CCAR1: variants seen among roughly 807,000 people sequenced by gnomAD.
The protein encoded by CCAR1 is cell division cycle and apoptosis regulator protein 1.
A neutral mutation model predicts 163.8 loss-of-function variants in CCAR1; 78 were observed. That is an observed-to-expected ratio of 0.48 (90% CI 0.40 to 0.57). The LOEUF (loss-of-function observed/expected upper bound fraction) is 0.57. Among genes scored for constraint, CCAR1 ranks in the 20% least tolerant of loss-of-function variants. CCAR1 has a pLI of 0.00. For synonymous variants in CCAR1, 443 were observed against 460.7 expected (o/e 0.96, Z 0.49); for missense variants, 1,019 against 1,365.2 (o/e 0.75, Z 4.00).
rs2056858123 is a variant in CCAR1 at position 68,792,224 on chromosome 10, C to T, written c.*958C>T. ...TTACTGCTTTCAATTAATTTTTCTA[C>T]TTTCCCAGAATAGCATCTATATTCC... On this transcript the variant is annotated 3_prime_UTR_variant, in exon 25 of 25. Coordinates refer to ENST00000265872, the MANE Select transcript of CCAR1 (RefSeq NM_018237.4). 6.6e-6 allele frequency: 1 copy of T among 151,892 alleles called. No individual in the cohort carries two copies. The highest frequency in any genetic ancestry group is 2.1e-4 in the South Asian group (1 of 4,822). 9.4% of individuals were successfully genotyped at this position (151,892 alleles called of 1,614,324 possible). A position where few individuals can be genotyped will look rare whatever the true frequency, so the allele number is the denominator to read the frequency against.
intron 2 of CCAR1, among the ~76,000 whole-genome samples, chr10:68,735,107 G>A (rs1221151507): frequency 6.6e-6 from 1 of 152,060 alleles, no homozygotes; most frequent in Non-Finnish European, 1.5e-5. Flanking sequence ...CAGTACTTTG[G>A]GATCCCGAAG....
chr10:68,786,763 G>T, intron 21 of CCAR1, 71 bp downstream of exon 21: 1 of 1,342,342 alleles, frequency 7.4e-7, no homozygotes, highest in Non-Finnish European at 1.0e-6. Flanking sequence ...AAAGTTAATA[G>T]AACCTCTGTT....
intron 10 of CCAR1, among the ~76,000 whole-genome samples, chr10:68,753,376 A>G (rs2056359097): frequency 6.6e-6 from 1 of 152,184 alleles, no homozygotes; most frequent in Admixed American, 6.5e-5. Flanking sequence ...TTTAATTTTG[A>G]ATGTAAGTAT....
intron 5 of CCAR1, 128 bp downstream of exon 5, chr10:68,740,789 A>T: frequency 3.0e-6 from 2 of 670,050 alleles, no homozygotes; most frequent in Non-Finnish European, 5.0e-6. Context: ...TAGGAATATA[A>T]TGCTAAATAA....
intron 19 of CCAR1, 88 bp downstream of exon 19, chr10:68,773,187 A>G: frequency 1.4e-6 from 1 of 693,408 alleles, no homozygotes; most frequent in Non-Finnish European, 2.4e-6. Context: ...CTATACTTTT[A>G]ACATTTTTTT....
chr10:68,775,635 G>C (rs1215920784), intron 19 of CCAR1, among the ~76,000 whole-genome samples: 1 of 143,912 alleles, frequency 6.9e-6, no homozygotes, highest in African/African-American at 2.6e-5. Flanking sequence ...TCAGCCTTCC[G>C]AGTAGCTGGG....
chr10:68,736,233 T>G (rs2056108145), intron 2 of CCAR1, among the ~76,000 whole-genome samples: 1 of 152,162 alleles, frequency 6.6e-6, no homozygotes, highest in Non-Finnish European at 1.5e-5. Context: ...ACACAATTAC[T>G]TAATACCAAA....
chr10:68,765,117 C>T (rs2056520823), intron 16 of CCAR1, among the ~76,000 whole-genome samples: 1 of 152,152 alleles, frequency 6.6e-6, no homozygotes, highest in African/African-American at 2.4e-5. Context: ...TTTGCTGTTC[C>T]TTTTGCCCTT....
chr10:68,724,229 A>C (rs574518964), intron 2 of CCAR1, among the ~76,000 whole-genome samples: 1 of 151,924 alleles, frequency 6.6e-6, no homozygotes, highest in Non-Finnish European at 1.5e-5. Context: ...TTGGGAGGCC[A>C]AGGTGGGCAG....
intron 21 of CCAR1, 110 bp downstream of exon 21, chr10:68,786,802 G>C: frequency 1.1e-6 from 1 of 947,718 alleles, no homozygotes; most frequent in Non-Finnish European, 1.6e-6. Flanking sequence ...AGCAATATAA[G>C]GGCCAGGCGT....
intron 2 of CCAR1, among the ~76,000 whole-genome samples, chr10:68,729,521 G>C (rs1370395075): frequency 4.0e-5 from 6 of 151,542 alleles, no homozygotes; most frequent in African/African-American, 1.4e-4. Flanking sequence ...CACCCGCCTC[G>C]GCCTCCCAAA....
chr10:68,745,859 C>G (rs1474939955), intron 6 of CCAR1, among the ~76,000 whole-genome samples: 1 of 152,102 alleles, frequency 6.6e-6, no homozygotes, highest in Non-Finnish European at 1.5e-5. Flanking sequence ...GTTGCCCAAG[C>G]TGGTCTTGAA....
At chr10:68,752,309 T>G (rs1422923868) in intron 10 of CCAR1, among the ~76,000 whole-genome samples, 7 of 152,206 alleles carry the variant, frequency 4.6e-5, no homozygotes, top group Non-Finnish European at 1.0e-4. Context: ...TCCATACTTC[T>G]CATTTGTAGT....
intron 2 of CCAR1, among the ~76,000 whole-genome samples, chr10:68,724,862 G>GA (rs1300604497): frequency 2.0e-5 from 3 of 152,310 alleles, no homozygotes; most frequent in Middle Eastern, 3.4e-3. Context: ...AAAGCTGCTG[G>GA]ATGCAGTGGC....
In CCAR1 at chr10:68,788,271, A is replaced by T; in HGVS notation, c.3130A>T (p.Ser1044Cys). Residue 1044 changes from serine (S) to cysteine (C), a missense_variant, in exon 23 of 25, where the codon AGC becomes TGC. This residue lies in a region of CCAR1 where 358 missense variants were observed against 406.4 expected (regional missense o/e 0.88). Transcript: ENST00000265872. The part of the protein sequence containing the change: ...VGSLLQKLEK[S>C]EKVRAEVEQK... ...AAGCCTCTTGCAAAAATTGGAAAAGAGCGAAAAAGTAAGAGCTGAGGTAGA... is the reference window on the plus strand; with the variant it reads ...AAGCCTCTTGCAAAAATTGGAAAAGTGCGAAAAAGTAAGAGCTGAGGTAGA... The T allele has an allele frequency of 6.3e-7, 1 of 1,599,190 alleles. No individual in the cohort carries two copies. The highest frequency in any genetic ancestry group is 1.1e-5 in the South Asian group (1 of 87,804).
At chr10:68,728,852 G>A (rs1171886361) in intron 2 of CCAR1, among the ~76,000 whole-genome samples, 1 of 151,972 alleles carries the variant, frequency 6.6e-6, no homozygotes, top group Non-Finnish European at 1.5e-5. Flanking sequence ...CTACTTGGGA[G>A]GCTGAGGCAG....
At chr10:68,726,950 G>A (rs969692632) in intron 2 of CCAR1, among the ~76,000 whole-genome samples, 3 of 151,138 alleles carry the variant, frequency 2.0e-5, no homozygotes, top group Admixed American at 6.6e-5. Flanking sequence ...AGCCCAGATC[G>A]TGCCACTGCA....
intron 6 of CCAR1, among the ~76,000 whole-genome samples, chr10:68,743,984 C>T (rs1259680981): frequency 6.6e-6 from 1 of 152,234 alleles, no homozygotes; most frequent in South Asian, 2.1e-4. Context: ...CTCCTGACCT[C>T]GTCATCCACC....
chr10:68,734,253 T>C (rs941027332), intron 2 of CCAR1, among the ~76,000 whole-genome samples: 18 of 152,168 alleles, frequency 1.2e-4, no homozygotes, highest in Admixed American at 2.6e-4. Context: ...CTAATAGTTA[T>C]AAGGCAGCAT....
Sources: allele counts gnomAD v4.1 joint callset (sites outside exome capture counted in the v4.1 genomes callset), GRCh38; gene constraint gnomAD v4.1.1; regional missense constraint gnomAD v4.1.1; transcripts MANE v1.5; gene names NCBI Gene and HGNC (gene_info 2026-07-23, HGNC 2026-07-21).